The following PHACTR2 variants were observed in gnomAD, a reference collection of about 807,000 sequenced individuals.
PHACTR2 encodes the protein chromosome 6 open reading frame 56.
PHACTR2 carries 30 observed loss-of-function variants against 76.0 expected under a neutral mutation model. That is an observed-to-expected ratio of 0.39 (90% CI 0.30 to 0.54). The LOEUF (loss-of-function observed/expected upper bound fraction) is 0.54, where lower values mean the gene tolerates loss of function less well. Among genes scored for constraint, PHACTR2 ranks in the 20% least tolerant of loss-of-function variants. The pLI, the probability that PHACTR2 is intolerant of heterozygous loss-of-function variation, is 0.61. For synonymous variants in PHACTR2, 292 were observed against 292.5 expected (o/e 1.00, Z 0.02); for missense variants, 696 against 781.1 (o/e 0.89, Z 1.30).
upstream of PHACTR2, among the ~76,000 whole-genome samples, chr6:143,677,297 T>C (rs937788161): frequency 6.6e-6 from 1 of 152,208 alleles, no homozygotes; most frequent in African/African-American, 2.4e-5. Flanking sequence ...TTTATTTGTA[T>C]TCATATTTTT....
chr6:143,575,282 T>G (rs1470630742), intron 1 of PHACTR2, among the ~76,000 whole-genome samples: 3 of 152,222 alleles, frequency 2.0e-5, no homozygotes, highest in Non-Finnish European at 4.4e-5. Context: ...AAAAGTCTTT[T>G]AAAAATAACT....
Position 143,709,299 on chromosome 6 carries a change from G to T in PHACTR2, c.47-2717G>T, listed in dbSNP as rs555928083. Among the ~76,000 whole-genome samples the T allele has an allele frequency of 6.6e-6, 1 of 152,322 alleles. No homozygotes were observed. Among genetic ancestry groups the T allele is most frequent in the East Asian group, 1.9e-4 (1 of 5,182 alleles). ...CTCCAATTTTCCCTAGCAATGCACA[G>T]TGTCTGCCCATCTCTGCCCAGATAG... On this transcript the variant is annotated intron_variant, in intron 1 of 12. Transcript: ENST00000440869. This position sits in a 1 kb window ranked among gnomAD's most constrained non-coding sequence, Gnocchi z 4.4.
chr6:143,676,934 G>C (rs1043463958), upstream of PHACTR2, among the ~76,000 whole-genome samples: 11 of 151,286 alleles, frequency 7.3e-5, no homozygotes, highest in African/African-American at 2.7e-4. This position sits in a 1 kb window ranked among gnomAD's most constrained non-coding sequence, Gnocchi z 4.8. Flanking sequence ...ATCAAACAAG[G>C]CTCTGCACGA....
intron 1 of PHACTR2, among the ~76,000 whole-genome samples, chr6:143,620,689 T>C (rs534018897): frequency 6.6e-6 from 1 of 152,360 alleles, no homozygotes; most frequent in Admixed American, 6.5e-5. Flanking sequence ...CATGTCTGCT[T>C]GAGTATATGC....
intron 1 of PHACTR2, among the ~76,000 whole-genome samples, chr6:143,594,750 G>T (rs968511565): frequency 6.6e-6 from 1 of 152,258 alleles, no homozygotes; most frequent in African/African-American, 2.4e-5. Context: ...TTCCTCTAGA[G>T]TTTGCCGTCC....
intron 1 of PHACTR2, among the ~76,000 whole-genome samples, chr6:143,538,826 C>T (rs1284244400): frequency 1.3e-5 from 2 of 152,170 alleles, no homozygotes; most frequent in African/African-American, 4.8e-5. Context: ...TTGGATGAAA[C>T]AAGTCAGAAC....
At chr6:143,694,399 A>C (rs1026110794) in intron 1 of PHACTR2, among the ~76,000 whole-genome samples, 1 of 152,208 alleles carries the variant, frequency 6.6e-6, no homozygotes. Context: ...AGAAACCCCC[A>C]AACTACTTAT....
In PHACTR2 at chr6:143,801,462, G is replaced by A. The variant is rs1775953259; in HGVS notation, c.1846-5595G>A. ...TTCATTAATTTGATCTTCAATCACT[G>A]ATATACTTTCTTCCGCTTGATCGAA... On this transcript the variant is annotated intron_variant, in intron 11 of 12. Transcript: ENST00000440869. This position sits in a 1 kb window ranked among gnomAD's most constrained non-coding sequence, Gnocchi z 4.6. 6.6e-6 allele frequency among the ~76,000 whole-genome samples: 1 copy of A among 152,010 alleles called. No individual in the cohort carries two copies. Among genetic ancestry groups the A allele is most frequent in the Non-Finnish European group, 1.5e-5 (1 of 67,996 alleles).
Position 143,646,254 on chromosome 6 carries a change from T to G in PHACTR2, c.13+37932T>G, listed in dbSNP as rs1221866641. On this transcript the variant is annotated intron_variant, in intron 1 of 11. Coordinates refer to the PHACTR2 transcript ENST00000305766. The surrounding 1 kb of genome is among the most constrained non-coding windows in gnomAD (Gnocchi z 4.1). The stretch of plus-strand genomic sequence containing the variant: ...GTTTTATTTTCATTGTTAGAGTGTC[T>G]ATGTCTATGTCAGTAATTGGGATTA... Among the ~76,000 whole-genome samples, 1 of 152,096 alleles carries G rather than the reference T, an allele frequency of 6.6e-6. No individual in the cohort carries two copies. Among genetic ancestry groups the G allele is most frequent in the African/African-American group, 2.4e-5 (1 of 41,372 alleles).
chr6:143,668,561 T>C (rs1777088326), intron 1 of PHACTR2, among the ~76,000 whole-genome samples: 1 of 152,212 alleles, frequency 6.6e-6, no homozygotes, highest in South Asian at 2.1e-4. Context: ...GAACTTGTTA[T>C]TGGTCTATTC....
At chr6:143,603,470 A>G (rs143033617), upstream of PHACTR2, among the ~76,000 whole-genome samples, 4 of 152,298 alleles carry the variant, frequency 2.6e-5, no homozygotes, top group African/African-American at 9.6e-5. Flanking sequence ...AGGGAAGAGA[A>G]GCAAACGTTA....
At position 143,829,653 on chromosome 6, in the gene PHACTR2, C is replaced by T. The variant is rs1776619864; in HGVS notation, c.*5964C>T. ...ATACAGAAACATATTCTCTTTGTCG[C>T]TTTTTATCACCAAAACTGAATGGCA... On this transcript the variant is annotated 3_prime_UTR_variant, in exon 13 of 13. Transcript: ENST00000440869. 6.6e-6 allele frequency: 1 copy of T among 152,148 alleles called. No homozygotes were observed. The highest frequency in any genetic ancestry group is 2.1e-4 in the South Asian group (1 of 4,824). 9.4% of individuals were successfully genotyped at this position (152,148 alleles called of 1,614,324 possible). A position where few individuals can be genotyped will look rare whatever the true frequency, so the allele number is the denominator to read the frequency against.
At position 143,592,565 on chromosome 6, in the gene PHACTR2, A is replaced by C. The variant is rs12191296; in HGVS notation, c.217+55358A>C. ...GGCCATTCCCTTGATTTGGTCACTCATCCTCTTTCCGGTCGTTTGTTTATG... is the reference window on the plus strand; with the variant it reads ...GGCCATTCCCTTGATTTGGTCACTCCTCCTCTTTCCGGTCGTTTGTTTATG... On this transcript the variant is annotated intron_variant, in intron 1 of 11. Transcript: ENST00000367584. This position sits in a 1 kb window ranked among gnomAD's most constrained non-coding sequence, Gnocchi z 4.0. 0.31 allele frequency among the ~76,000 whole-genome samples: 47,431 copies of C among 152,020 alleles called. 8,181 individuals carry two copies. The highest frequency in any genetic ancestry group is 0.39 in the Non-Finnish European group (26,551 of 67,936).
intron 1 of PHACTR2, among the ~76,000 whole-genome samples, chr6:143,711,607 A>G (rs952370688): frequency 6.6e-6 from 1 of 152,232 alleles, no homozygotes; most frequent in Non-Finnish European, 1.5e-5. Context: ...TTTTAACTAC[A>G]CCATAACTGT....
intron 1 of PHACTR2, among the ~76,000 whole-genome samples, chr6:143,552,888 G>GAAAAA (rs35606517): frequency 3.0e-4 from 35 of 116,656 alleles, no homozygotes; most frequent in Non-Finnish European, 3.7e-4. Context: ...ATCTCAAAAA[G>GAAAAA]AAAAAAAAAA....
chr6:143,639,766 A>G lies in PHACTR2; in HGVS notation c.13+31444A>G, dbSNP rs1391925008. Among the ~76,000 whole-genome samples, 1 of 152,244 alleles carries G rather than the reference A, an allele frequency of 6.6e-6. No individual in the cohort carries two copies. The highest frequency in any genetic ancestry group is 1.5e-5 in the Non-Finnish European group (1 of 68,048). Reference sequence around the variant, plus strand: ...CCTCTTAGGCAAATATGAAACATACACAAATATTGACTATTTACACAGTCA... The same window carrying G: ...CCTCTTAGGCAAATATGAAACATACGCAAATATTGACTATTTACACAGTCA... On this transcript the variant is annotated intron_variant, in intron 1 of 11. Coordinates refer to the PHACTR2 transcript ENST00000305766. This position sits in a 1 kb window ranked among gnomAD's most constrained non-coding sequence, Gnocchi z 5.0.
At position 143,783,283 on chromosome 6, in the gene PHACTR2, A is replaced by C; in HGVS notation, c.1707+3A>C. 1 of 1,587,390 alleles carries C rather than the reference A, an allele frequency of 6.3e-7. No homozygotes were observed. The highest frequency in any genetic ancestry group is 8.6e-7 in the Non-Finnish European group (1 of 1,156,300). On this transcript the variant is annotated splice_donor_region_variant and intron_variant, in intron 10 of 12. Transcript: ENST00000440869. The surrounding 1 kb of genome is among the most constrained non-coding windows in gnomAD (Gnocchi z 5.2). The stretch of plus-strand genomic sequence containing the variant: ...TTAAACGCAGACTCAGCAGAAAGGT[A>C]ATGAAATCATAACTATTAATGAGCA...
chr6:143,765,218 A>ATTGTAT lies in PHACTR2; in HGVS notation c.695-41_695-36dup. The ATTGTAT allele has an allele frequency of 6.8e-7, 1 of 1,472,312 alleles. No individual in the cohort carries two copies. Among genetic ancestry groups the ATTGTAT allele is most frequent in the Non-Finnish European group, 9.3e-7 (1 of 1,076,608 alleles). The allele number at this position is 1,472,312 out of a possible 1,614,324, so 91.2% of individuals were successfully genotyped here. A position where few individuals can be genotyped will look rare whatever the true frequency, so the allele number is the denominator to read the frequency against. ...CCTTGGTTACTTTATTTTAAAAAGCATTGTATTCTTTGATTTTTTAATGCA... is the reference window on the plus strand; with the variant it reads ...CCTTGGTTACTTTATTTTAAAAAGCATTGTATTTGTATTCTTTGATTTTTTAATGCA... On this transcript the variant is annotated intron_variant, in intron 5 of 12. Coordinates refer to ENST00000440869, the MANE Select transcript of PHACTR2 (RefSeq NM_001100164.2). The surrounding 1 kb of genome is among the most constrained non-coding windows in gnomAD (Gnocchi z 4.1).
chr6:143,715,514 A>G (rs917104038), intron 2 of PHACTR2, among the ~76,000 whole-genome samples: 1 of 152,158 alleles, frequency 6.6e-6, no homozygotes, highest in Non-Finnish European at 1.5e-5. Flanking sequence ...AAATCCATTC[A>G]TATGGTCTAA....
Sources: gnomAD v4.1 joint callset for allele counts (sites outside exome capture counted in the v4.1 genomes callset) on GRCh38, gnomAD v4.1.1 for gene constraint, Gnocchi (gnomAD v3.1) non-coding constraint, MANE v1.5 for transcripts, NCBI Gene and HGNC (gene_info 2026-07-23, HGNC 2026-07-21) for gene names.